The following CCNH variants were observed in gnomAD, a reference collection of about 807,000 sequenced individuals.
The protein encoded by CCNH is cyclin H.
A neutral mutation model predicts 41.9 loss-of-function variants in CCNH; 31 were observed. The ratio of observed to expected loss-of-function variants is 0.74; its 90% CI spans 0.56 to 1.00. CCNH has a LOEUF of 1.00. Among genes scored for constraint, CCNH ranks in the 50% least tolerant of loss-of-function variants. CCNH has a pLI of 0.00. For missense variants in CCNH, 362 were observed against 388.4 expected, an observed-to-expected ratio of 0.93 and a Z score of 0.57; for synonymous variants, 138 against 136.1, an observed-to-expected ratio of 1.01 and a Z score of -0.10.
At chr5:87,386,527 G>C (rs1762073031), downstream of CCNH, among the ~76,000 whole-genome samples, 1 of 151,948 alleles carries the variant, frequency 6.6e-6, no homozygotes, top group African/African-American at 2.4e-5. Flanking sequence ...GTTACGATTT[G>C]TGCTTGGGTC....
intron 7 of CCNH, among the ~76,000 whole-genome samples, chr5:87,396,197 T>C (rs1162558597): frequency 6.6e-6 from 1 of 152,122 alleles, no homozygotes; most frequent in African/African-American, 2.4e-5. Flanking sequence ...AGGATGTGTA[T>C]AGGTTATATG....
chr5:87,321,403 C>T (rs143154074), intron 9 of CCNH, among the ~76,000 whole-genome samples: 5 of 152,176 alleles, frequency 3.3e-5, no homozygotes, highest in Non-Finnish European at 4.4e-5. Context: ...AGATTCCCAA[C>T]GGCTGAGGGC....
downstream of CCNH, among the ~76,000 whole-genome samples, chr5:87,393,074 GA>G (rs138557953): frequency 7.0e-4 from 94 of 133,738 alleles, no homozygotes; most frequent in South Asian, 9.0e-4. Context: ...TCTGGAATGA[GA>G]AAAAAAAAAA....
At chr5:87,390,678 G>A (rs1338035339), downstream of CCNH, 2 of 781,144 alleles carry the variant, frequency 2.6e-6, no homozygotes, top group African/African-American at 1.7e-5. Context: ...GTTTTGAGGG[G>A]AATTGTGGTA....
Position 87,408,044 on chromosome 5 carries a change from G to A in CCNH, c.457C>T (p.Gln153Ter). The A allele has an allele frequency of 1.2e-6, 2 of 1,613,660 alleles. No homozygotes were observed. Among genetic ancestry groups the A allele is most frequent in the Non-Finnish European group, 1.7e-6 (2 of 1,179,582 alleles). ...ILEYELLLIQ[Q>*]LNFHLIVHNP... ...TGGACAATAAGGTGGAAATTAAGTT[G>A]CTGTATAAGAAGTAGTTCATATTCC... Residue 153 changes from glutamine (Q) to a stop codon, truncating the protein, a stop_gained, in exon 4 of 9, where the codon CAA (glutamine) becomes TAA (stop). Coordinates refer to ENST00000256897, the MANE Select transcript of CCNH (RefSeq NM_001239.4). LOFTEE classifies it high-confidence loss of function.
chr5:87,363,317 C>T (rs10044181), intron 9 of CCNH: 1 of 1,549,090 alleles, frequency 6.5e-7, no homozygotes, highest in Non-Finnish European at 8.9e-7. Context: ...AATTGTTTGG[C>T]TAAGAGAAAA....
chr5:87,404,939 A>G lies in CCNH; in HGVS notation c.594T>C (p.Ile198=). 6.2e-7 allele frequency: 1 copy of G among 1,613,216 alleles called. No homozygotes were observed. Among genetic ancestry groups the G allele is most frequent in the Non-Finnish European group, 8.5e-7 (1 of 1,179,254 alleles). Residue 198 remains isoleucine (I), a synonymous_variant, in exon 5 of 9, where the codon ATT becomes ATC. Coordinates refer to ENST00000256897, the MANE Select transcript of CCNH (RefSeq NM_001239.4). Reference sequence around the variant, plus strand: ...ATAAAAGGTAAGCATCCGTCAATGCAATTCTATTAAGAAAGTCATCAGCTG... The same window carrying G: ...ATAAAAGGTAAGCATCCGTCAATGCGATTCTATTAAGAAAGTCATCAGCTG... ...RKTADDFLNR[I]ALTDAYLLYT...
chr5:87,408,760 A>T (rs1410354488), intron 3 of CCNH, among the ~76,000 whole-genome samples: 1 of 152,180 alleles, frequency 6.6e-6, no homozygotes, highest in Non-Finnish European at 1.5e-5. Flanking sequence ...TCAAGGGCCT[A>T]ATCTTGACTG....
At chr5:87,363,923 T>C (rs1302232842) in intron 9 of CCNH, among the ~76,000 whole-genome samples, 2 of 152,112 alleles carry the variant, frequency 1.3e-5, no homozygotes, top group Non-Finnish European at 2.9e-5. Flanking sequence ...ATTGTCTTGA[T>C]AGGAAAAATG....
intron 1 of CCNH, 103 bp downstream of exon 1, chr5:87,412,575 C>T (rs1764341721): frequency 6.6e-7 from 1 of 1,509,592 alleles, no homozygotes; most frequent in Non-Finnish European, 8.9e-7. Flanking sequence ...GCCGCAGAGG[C>T]AGAGAAACGA....
chr5:87,362,576 C>A (rs1011383896), intron 9 of CCNH: 1 of 1,594,478 alleles, frequency 6.3e-7, no homozygotes, highest in Non-Finnish European at 8.6e-7. Context: ...CTCAATGACA[C>A]AGTGGATGGC....
intron 9 of CCNH, among the ~76,000 whole-genome samples, chr5:87,350,790 T>C (rs565743878): frequency 6.6e-6 from 1 of 151,872 alleles, no homozygotes; most frequent in Admixed American, 6.6e-5. Flanking sequence ...ATTTTTATAA[T>C]TTTTCTTCCC....
At chr5:87,343,033 T>G (rs1240834167) in intron 9 of CCNH, among the ~76,000 whole-genome samples, 1 of 152,160 alleles carries the variant, frequency 6.6e-6, no homozygotes, top group African/African-American at 2.4e-5. Context: ...GGGCATAACT[T>G]AAATTTGCAT....
At chr5:87,411,114 A>G in intron 2 of CCNH, 110 bp downstream of exon 2, 3 of 1,118,198 alleles carry the variant, frequency 2.7e-6, no homozygotes, top group Non-Finnish European at 3.7e-6. Flanking sequence ...AAAACTAATT[A>G]ATTGTAACTA....
chr5:87,313,986 G>A (rs1331400790), downstream of CCNH, among the ~76,000 whole-genome samples: 4 of 152,052 alleles, frequency 2.6e-5, no homozygotes, highest in Non-Finnish European at 5.9e-5. Flanking sequence ...TGACCAACAT[G>A]GAGAAACCCT....
Position 87,333,398 on chromosome 5 carries a change from T to TA in CCNH, c.*91-14502dup, listed in dbSNP as rs1266393410. The TA allele has an allele frequency of 1.9e-6, 3 of 1,600,008 alleles. No homozygotes were observed. The Admixed American group carries it at 5.2e-5, about 28-fold the overall frequency. Reference sequence around the variant, plus strand: ...AAAGAGCTAGACTTCGAAGATTTATTACTCTTGGACTAGGAAGCTTTTGAA... The same window carrying TA: ...AAAGAGCTAGACTTCGAAGATTTATTAACTCTTGGACTAGGAAGCTTTTGAA... On this transcript the variant is annotated intron_variant and NMD_transcript_variant, in intron 9 of 9. Transcript: ENST00000645953.
chr5:87,394,841 G>T, intron 8 of CCNH: 1 of 1,368,926 alleles, frequency 7.3e-7, no homozygotes, highest in Non-Finnish European at 9.4e-7. Flanking sequence ...AACACAGGAA[G>T]GATTCTTCAT....
chr5:87,346,862 GC>G, intron 9 of CCNH: 1 of 565,282 alleles, frequency 1.8e-6, no homozygotes, highest in Non-Finnish European at 3.1e-6. Flanking sequence ...GTACTAAGAA[GC>G]TGGTGTTTTT....
rs1764196650 is a variant in CCNH, at chr5:87,411,073, A to AAATAC, written c.240+150_240+151insGTATT. The AAATAC allele has an allele frequency of 4.5e-6, 3 of 665,586 alleles. No homozygotes were observed. In the African/African-American group the frequency reaches 5.6e-5, roughly 12 times the overall value. 41.2% of individuals were successfully genotyped at this position (665,586 alleles called of 1,614,324 possible). ...ATATGATACAGCAACTCATGATTTA[A>AAATAC]GGCCTGTATTGAAAAATATATAATG... On this transcript the variant is annotated intron_variant, in intron 2 of 8. Coordinates refer to ENST00000256897, the MANE Select transcript of CCNH (RefSeq NM_001239.4).
Sources: gnomAD v4.1 joint callset for allele counts (sites outside exome capture counted in the v4.1 genomes callset) on GRCh38, gnomAD v4.1.1 for gene constraint, MANE v1.5 for transcripts, NCBI Gene and HGNC (gene_info 2026-07-23, HGNC 2026-07-21) for gene names.